RPL32: variants seen among roughly 807,000 people sequenced by gnomAD.
RPL32 encodes the protein ribosomal protein L32.
For missense variants in RPL32, 117 were observed against 173.7 expected, an observed-to-expected ratio of 0.67 and a Z score of 1.83; for synonymous variants, 61 against 62.6, an observed-to-expected ratio of 0.98 and a Z score of 0.12.
At chr3:12,840,955 T>C (rs1334841767) in intron 1 of RPL32, 1 of 156,994 alleles carries the variant, frequency 6.4e-6, no homozygotes, top group South Asian at 1.8e-4. Context: ...GCCCATGATA[T>C]CCTCGAAGGC....
intron 3 of RPL32, among the ~76,000 whole-genome samples, chr3:12,837,029 A>G (rs2062105707): frequency 6.6e-6 from 1 of 152,210 alleles, no homozygotes; most frequent in African/African-American, 2.4e-5. Flanking sequence ...CTTGTTTTAT[A>G]TGAGTCCACT....
intron 2 of RPL32, among the ~76,000 whole-genome samples, 164 bp downstream of exon 2, chr3:12,839,978 A>G (rs1172893981): frequency 5.9e-5 from 9 of 152,248 alleles, no homozygotes; most frequent in African/African-American, 1.2e-4. Flanking sequence ...ATCAAGAGAC[A>G]TAAGTACCAG....
chr3:12,836,350 C>T, intron 3 of RPL32, 127 bp from the exon 4 acceptor site: 1 of 1,091,150 alleles, frequency 9.2e-7, no homozygotes, highest in Admixed American at 2.1e-5. Flanking sequence ...TGTGGAATGA[C>T]ACCTACATGC....
At chr3:12,840,614 G>C in intron 1 of RPL32, 2 of 433,874 alleles carry the variant, frequency 4.6e-6, no homozygotes. Context: ...CCATCTACTT[G>C]AACCTGAGTC....
intron 3 of RPL32, among the ~76,000 whole-genome samples, chr3:12,838,680 C>T (rs961820023): frequency 1.9e-4 from 29 of 152,124 alleles, no homozygotes; most frequent in Non-Finnish European, 2.9e-5. Context: ...CATCTGAATG[C>T]ACTCCCTCCT....
Position 12,840,113 on chromosome 3 carries a change from ACACC to A in RPL32, c.96+25_96+28del, listed in dbSNP as rs1396001496. On this transcript the variant is annotated intron_variant, in intron 2 of 3. Coordinates refer to ENST00000429711, the MANE Select transcript of RPL32 (RefSeq NM_000994.4). ...TGTTGGAAACTCTTTTCTTCACCCC[ACACC>A]CATTTCCATCCCAGGACCACATACC... The A allele has an allele frequency of 3.9e-6, 6 of 1,542,130 alleles. No individual in the cohort carries two copies. The Admixed American group carries it at 1.0e-4, about 26-fold the overall frequency.
Position 12,839,291 on chromosome 3 carries a change from G to C in RPL32, c.278+58C>G, listed in dbSNP as rs114180603. On this transcript the variant is annotated intron_variant, in intron 3 of 3. Coordinates refer to ENST00000429711, the MANE Select transcript of RPL32 (RefSeq NM_000994.4). ...AGAGTTTGTAGAGTTCCTGCCAGAA[G>C]TGCTCACACAGATGCAAACTTCTGA... is the stretch of plus-strand genomic sequence containing the variant. 1,266 of 1,514,360 alleles carry C rather than the reference G, an allele frequency of 8.4e-4. 11 individuals carry two copies. The African/African-American group carries it at 0.015, about 18-fold the overall frequency. 93.8% of individuals were successfully genotyped at this position (1,514,360 alleles called of 1,614,324 possible). A position where few individuals can be genotyped will look rare whatever the true frequency, so the allele number is the denominator to read the frequency against.
Position 12,840,534 on chromosome 3 carries a change from A to C in RPL32, c.-5-292T>G, listed in dbSNP as rs1322556334. 3 of 539,202 alleles carry C rather than the reference A, an allele frequency of 5.6e-6. No individual in the cohort carries two copies. In the African/African-American group the frequency reaches 5.6e-5, roughly 10 times the overall value. The allele number at this position is 539,202 out of a possible 1,614,324, so 33.4% of individuals were successfully genotyped here. On this transcript the variant is annotated intron_variant, in intron 1 of 3. Transcript: ENST00000429711. ...TGACCCCAAGACACTCTCAATTTGC[A>C]AGGGGCAGCAAATCCCACCCCACCA...
chr3:12,836,099 C>G lies in RPL32; in HGVS notation c.403G>C (p.Glu135Gln), dbSNP rs773652767. ...PNARLRSEEN[E>Q] Reference sequence around the variant, plus strand: ...AAAACGTGCACATGAGCTGCCTACTCATTTTCTTCACTGCGCAGCCTGGCA... The same window carrying G: ...AAAACGTGCACATGAGCTGCCTACTGATTTTCTTCACTGCGCAGCCTGGCA... The change falls in exon 4 of 4, where the codon GAG (glutamate) becomes CAG (glutamine). Residue 135 changes from glutamate to glutamine, a missense_variant. Transcript: ENST00000429711. 53 of 1,611,236 alleles carry G rather than the reference C, an allele frequency of 3.3e-5. No individual in the cohort carries two copies. Among genetic ancestry groups the G allele is most frequent in the Non-Finnish European group, 4.4e-5 (52 of 1,180,012 alleles).
intron 3 of RPL32, among the ~76,000 whole-genome samples, chr3:12,836,747 G>A (rs2062103377): frequency 6.6e-6 from 1 of 152,226 alleles, no homozygotes; most frequent in Admixed American, 6.5e-5. Flanking sequence ...TATTACCTGA[G>A]GACTTCAGAT....
At position 12,840,447 on chromosome 3, in the gene RPL32, G is replaced by C. The variant is rs148864582; in HGVS notation, c.-5-205C>G. ...GCACTCTCCAGATGCGATCCCAGGA[G>C]GTCAAGGGTCACCTCACCCACTCAG... On this transcript the variant is annotated intron_variant, in intron 1 of 3. Coordinates refer to ENST00000429711, the MANE Select transcript of RPL32 (RefSeq NM_000994.4). 5.0e-3 allele frequency: 3,508 copies of C among 696,900 alleles called. 17 individuals are homozygous for C. Among genetic ancestry groups the C allele is most frequent in the Non-Finnish European group, 7.1e-3 (2,663 of 373,928 alleles). 43.2% of individuals were successfully genotyped at this position (696,900 alleles called of 1,614,324 possible). A position where few individuals can be genotyped will look rare whatever the true frequency, so the allele number is the denominator to read the frequency against.
At chr3:12,836,483 TAAAG>T (rs1254024765) in intron 3 of RPL32, among the ~76,000 whole-genome samples, 3 of 152,066 alleles carry the variant, frequency 2.0e-5, no homozygotes, top group Admixed American at 1.3e-4. Flanking sequence ...ATTTTACAGA[TAAAG>T]AAACCAAGGC....
At chr3:12,840,080 T>C in intron 2 of RPL32, 62 bp downstream of exon 2, 1 of 1,300,230 alleles carries the variant, frequency 7.7e-7, no homozygotes. Flanking sequence ...CTAGGTGATG[T>C]CAGAAACTGT....
At chr3:12,838,064 G>C (rs544754045) in intron 3 of RPL32, among the ~76,000 whole-genome samples, 1 of 152,304 alleles carries the variant, frequency 6.6e-6, no homozygotes, top group Admixed American at 6.5e-5. Context: ...TCACAGCTGT[G>C]AACAGCCACT....
intron 3 of RPL32, 82 bp downstream of exon 3, chr3:12,839,265 AAG>A (rs2062125932): frequency 7.6e-7 from 1 of 1,312,258 alleles, no homozygotes; most frequent in Non-Finnish European, 1.1e-6. Flanking sequence ...AATGCATCCC[AAG>A]AGTTTGTAGA....
intron 3 of RPL32, among the ~76,000 whole-genome samples, chr3:12,838,310 G>A (rs1476211439): frequency 6.6e-6 from 1 of 152,190 alleles, no homozygotes; most frequent in African/African-American, 2.4e-5. Context: ...GGAGGGTGAG[G>A]CAGAAGAAAC....
chr3:12,839,010 T>C, intron 3 of RPL32: 1 of 370,176 alleles, frequency 2.7e-6, no homozygotes. Flanking sequence ...CTCTTTTGCT[T>C]GACACCTTCA....
chr3:12,838,256 A>T (rs546662991), intron 3 of RPL32, among the ~76,000 whole-genome samples: 2 of 152,274 alleles, frequency 1.3e-5, no homozygotes, highest in African/African-American at 4.8e-5. Flanking sequence ...AAAATACAAA[A>T]ATTAGCCAGG....
intron 1 of RPL32, 55 bp from the exon 2 acceptor site, chr3:12,840,297 T>C (rs774519155): frequency 7.8e-7 from 1 of 1,289,152 alleles, no homozygotes; most frequent in Non-Finnish European, 1.1e-6. Flanking sequence ...GAGGCTTTCC[T>C]GCCCAGGGAC....
Sources: allele counts gnomAD v4.1 joint callset (sites outside exome capture counted in the v4.1 genomes callset), GRCh38; gene constraint gnomAD v4.1.1; transcripts MANE v1.5; gene names NCBI Gene and HGNC (gene_info 2026-07-23, HGNC 2026-07-21).